Variants in NBEA observed in about 807,000 individuals in gnomAD.
The protein encoded by NBEA is neurobeachin, also known as lysosomal-trafficking regulator 2.
NBEA carries 44 observed loss-of-function variants against 343.4 expected under a neutral mutation model. The ratio of observed to expected loss-of-function variants is 0.13; its 90% CI spans 0.10 to 0.16. NBEA has a LOEUF of 0.16. Ranked by LOEUF, NBEA falls within the 10% of genes least tolerant of loss-of-function variation. The pLI is 1.00. For synonymous variants in NBEA, 1,175 were observed against 1,238.7 expected, an observed-to-expected ratio of 0.95 and a Z score of 1.08; for missense variants, 2,555 against 3,631.3, an observed-to-expected ratio of 0.70 and a Z score of 7.62.
chr13:35,484,070 A>G (rs1306090160), intron 41 of NBEA, among the ~76,000 whole-genome samples: 1 of 152,088 alleles, frequency 6.6e-6, no homozygotes, highest in Non-Finnish European at 1.5e-5. Context: ...GACTGTACCT[A>G]AATGGATTTT....
At chr13:35,448,433 C>T (rs1256132784) in intron 39 of NBEA, among the ~76,000 whole-genome samples, 2 of 152,144 alleles carry the variant, frequency 1.3e-5, no homozygotes, top group African/African-American at 4.8e-5. Flanking sequence ...TATTCTCCGG[C>T]TTGCCCCAAA....
Position 35,171,430 on chromosome 13 carries a change from A to T in NBEA, c.4401A>T (p.Leu1467Phe). ...AGAAAAACATGTCTTCTGGAGGTTT[A>T]ATGCGACAGTGCCTAAGATTAGGTA... The part of the protein sequence containing the change: ...EAEKNMSSGG[L>F]MRQCLRLVCC... The change falls in exon 26 of 59, where the codon TTA becomes TTT. Residue 1467 changes from leucine (L) to phenylalanine (F), a missense_variant. Coordinates refer to ENST00000379939, the MANE Select transcript of NBEA (RefSeq NM_001385012.1). 1 of 1,611,464 alleles carries T rather than the reference A, an allele frequency of 6.2e-7. No homozygotes were observed. The highest frequency in any genetic ancestry group is 1.1e-5 in the South Asian group (1 of 90,890).
At chr13:35,589,741 G>C (rs949015627) in intron 46 of NBEA, among the ~76,000 whole-genome samples, 2 of 152,102 alleles carry the variant, frequency 1.3e-5, no homozygotes, top group African/African-American at 4.8e-5. Context: ...AGCAAGAAAG[G>C]CTGTTAGTGT....
At chr13:35,150,812 A>G (rs1187695968) in intron 18 of NBEA, among the ~76,000 whole-genome samples, 2 of 151,960 alleles carry the variant, frequency 1.3e-5, no homozygotes, top group Non-Finnish European at 2.9e-5. Context: ...AGTAGAGTAG[A>G]GTAGAGTAGA....
At chr13:34,957,922 A>G (rs554176756) in intron 1 of NBEA, among the ~76,000 whole-genome samples, 1 of 152,220 alleles carries the variant, frequency 6.6e-6, no homozygotes, top group Admixed American at 6.5e-5. Context: ...GTGTACAGCT[A>G]TACTATCCAG....
chr13:35,665,178 G>T lies in NBEA; in HGVS notation c.8456G>T (p.Gly2819Val). The change falls in exon 56 of 59, where the codon GGT becomes GTT. Residue 2819 changes from glycine (G) to valine (V), a missense_variant. Gly to Val is a moderately radical substitution (Grantham distance 109, BLOSUM62 -3). Around this residue, in one of 21 missense-constraint regions of NBEA, gnomAD observed 186 missense variants for 328.9 expected, o/e 0.57. Transcript: ENST00000379939. ...GCAGAACTTGGGCTTGTTATCAGTG[G>T]TGCTAAAGGTCAGAAGTCATTTCTT... ...VCAELGLVIS[G>V]AKEGPCLVHT... is the part of the protein sequence containing the mutation. 5.0e-6 allele frequency: 8 copies of T among 1,585,174 alleles called. No homozygotes were observed. Among genetic ancestry groups the T allele is most frequent in the Non-Finnish European group, 6.9e-6 (8 of 1,163,254 alleles).
chr13:35,428,710 T>C (rs2044880884), intron 38 of NBEA, among the ~76,000 whole-genome samples: 1 of 152,240 alleles, frequency 6.6e-6, no homozygotes. Context: ...CATTTCGATG[T>C]TGGCATTTTA....
chr13:35,394,100 A>T (rs933089009), intron 38 of NBEA, among the ~76,000 whole-genome samples: 15 of 152,268 alleles, frequency 9.9e-5, no homozygotes, highest in African/African-American at 3.6e-4. Context: ...GGAAAATAGC[A>T]TATCCTTCCC....
At chr13:35,562,427 G>T (rs957318115) in intron 44 of NBEA, among the ~76,000 whole-genome samples, 1 of 152,016 alleles carries the variant, frequency 6.6e-6, no homozygotes, top group Non-Finnish European at 1.5e-5. Context: ...AAAAATAGGA[G>T]AGTAACCGCT....
intron 1 of NBEA, among the ~76,000 whole-genome samples, chr13:34,977,596 A>G (rs184599021): frequency 6.6e-6 from 1 of 152,300 alleles, no homozygotes; most frequent in Admixed American, 6.5e-5. Flanking sequence ...GGTGTGAGCC[A>G]CCACGCTTGG....
At chr13:35,428,188 A>G (rs533011310) in intron 38 of NBEA, among the ~76,000 whole-genome samples, 31 of 152,198 alleles carry the variant, frequency 2.0e-4, no homozygotes, top group African/African-American at 7.2e-4. Context: ...CCGGTACCTC[A>G]GTTTGAAATG....
intron 18 of NBEA, among the ~76,000 whole-genome samples, chr13:35,144,951 A>G (rs1056265185): frequency 1.3e-5 from 2 of 152,214 alleles, no homozygotes; most frequent in Admixed American, 1.3e-4. Flanking sequence ...GAACCATGTC[A>G]CAGTTGGTAG....
rs528808836 is a variant in NBEA at position 35,357,734 on chromosome 13, A to G, written c.6179+5411A>G. Among the ~76,000 whole-genome samples the G allele has an allele frequency of 5.6e-4, 85 of 152,256 alleles. 1 individual carries two copies. The highest frequency in any genetic ancestry group is 1.9e-3 in the African/African-American group (80 of 41,558). On this transcript the variant is annotated intron_variant, in intron 38 of 58. Transcript: ENST00000379939. ...TTTTTGTTGATTTCATGTCTTTTGA[A>G]CAAAGATTTTACCTTCCTGATGTTC...
At chr13:35,303,412 G>A (rs909399044) in intron 35 of NBEA, among the ~76,000 whole-genome samples, 4 of 152,012 alleles carry the variant, frequency 2.6e-5, no homozygotes, top group African/African-American at 9.7e-5. Flanking sequence ...GACTGTAGCA[G>A]GTATTGATTT....
chr13:35,149,168 G>A (rs577507266), intron 18 of NBEA, among the ~76,000 whole-genome samples: 31 of 152,198 alleles, frequency 2.0e-4, no homozygotes, highest in Non-Finnish European at 3.8e-4. Flanking sequence ...AATTATAGTA[G>A]TGTTTTAATA....
At chr13:35,165,319 A>G (rs2069920191) in intron 24 of NBEA, among the ~76,000 whole-genome samples, 1 of 152,164 alleles carries the variant, frequency 6.6e-6, no homozygotes, top group Non-Finnish European at 1.5e-5. Flanking sequence ...AAACTTCAAC[A>G]TTAGCAGCCA....
At chr13:35,142,462 T>C in intron 18 of NBEA, 85 bp downstream of exon 18, 2 of 799,054 alleles carry the variant, frequency 2.5e-6, no homozygotes, top group Non-Finnish European at 3.8e-6. Flanking sequence ...GAGTAGTTGG[T>C]CTGTTAATCT....
chr13:34,968,001 C>T (rs1215474608), intron 1 of NBEA, among the ~76,000 whole-genome samples: 3 of 152,090 alleles, frequency 2.0e-5, no homozygotes, highest in East Asian at 1.9e-4. Context: ...GCTCAACTGA[C>T]CACAAATTCA....
Position 35,183,958 on chromosome 13 carries a change from C to A in NBEA, c.4832-18C>A. On this transcript the variant is annotated intron_variant, in intron 29 of 58. Coordinates refer to ENST00000379939, the MANE Select transcript of NBEA (RefSeq NM_001385012.1). ...GTTACATGCTGGCTCAAATTTGATT[C>A]CATGATTTTCTCCACAGTTGTGGTC... The A allele has an allele frequency of 1.3e-6, 2 of 1,588,682 alleles. No individual in the cohort carries two copies. The highest frequency in any genetic ancestry group is 1.1e-5 in the South Asian group (1 of 89,298).
Sources: gnomAD v4.1 joint callset for allele counts (sites outside exome capture counted in the v4.1 genomes callset) on GRCh38, gnomAD v4.1.1 for gene constraint, gnomAD v4.1.1 regional missense constraint, MANE v1.5 for transcripts, NCBI Gene and HGNC (gene_info 2026-07-23, HGNC 2026-07-21) for gene names.